The following SAMD12 variants were observed in gnomAD, a reference collection of about 807,000 sequenced individuals.
SAMD12 encodes the protein sterile alpha motif domain containing 12.
A neutral mutation model predicts 15.0 loss-of-function variants in SAMD12; 9 were observed. The observed-to-expected ratio is 0.60, with a 90% CI of 0.36 to 1.05. SAMD12 has a LOEUF of 1.05. Among genes scored for constraint, SAMD12 ranks in the 50% least tolerant of loss-of-function variants. The pLI is 0.01. For missense variants in SAMD12, 230 were observed against 234.2 expected (o/e 0.98, Z 0.12); for synonymous variants, 86 against 90.1 (o/e 0.96, Z 0.25).
the SAMD12 span, among the ~76,000 whole-genome samples, chr8:118,146,532 C>G: frequency 6.6e-6 from 1 of 152,138 alleles, no homozygotes; most frequent in African/African-American, 2.4e-5. Context: ...TACTAGTGAT[C>G]CATAGGAAAA....
chr8:118,170,646 G>T, the SAMD12 span, among the ~76,000 whole-genome samples: 1 of 152,114 alleles, frequency 6.6e-6, no homozygotes, highest in African/African-American at 2.4e-5. Flanking sequence ...AATAACATGG[G>T]ACTCTTGGCT....
At chr8:118,504,759 C>T (rs1330770157) in intron 2 of SAMD12, among the ~76,000 whole-genome samples, 2 of 152,108 alleles carry the variant, frequency 1.3e-5, no homozygotes, top group Non-Finnish European at 2.9e-5. Flanking sequence ...GAAGAGAAGA[C>T]AAAGTGAAGA....
At chr8:118,165,465 A>T in the SAMD12 span, among the ~76,000 whole-genome samples, 1 of 151,842 alleles carries the variant, frequency 6.6e-6, no homozygotes, top group Admixed American at 6.6e-5. Context: ...CATGTTGGCT[A>T]GACTGGTCTC....
At chr8:118,527,846 C>A (rs1440749614) in intron 2 of SAMD12, among the ~76,000 whole-genome samples, 2 of 152,080 alleles carry the variant, frequency 1.3e-5, no homozygotes, top group Non-Finnish European at 2.9e-5. Context: ...TGACATTATT[C>A]TTTAAGTAGT....
At chr8:118,188,099 G>C (rs1442628128), downstream of SAMD12, among the ~76,000 whole-genome samples, 1 of 151,474 alleles carries the variant, frequency 6.6e-6, no homozygotes, top group Non-Finnish European at 1.5e-5. Context: ...AAAAAGGGAG[G>C]GCAAAGGAGA....
In SAMD12 at chr8:118,195,739, T is replaced by A. The variant is rs377337476; in HGVS notation, c.*1971A>T. 5.3e-5 allele frequency: 8 copies of A among 152,104 alleles called. No individual in the cohort carries two copies. In the East Asian group the frequency reaches 1.4e-3, roughly 26 times the overall value. The allele number at this position is 152,104 out of a possible 1,614,324, so 9.4% of individuals were successfully genotyped here. A position where few individuals can be genotyped will look rare whatever the true frequency, so the allele number is the denominator to read the frequency against. On this transcript the variant is annotated 3_prime_UTR_variant, in exon 5 of 5. Transcript: ENST00000409003. ...CAGTTTCATAAGGGCAGGTGGGGAG[T>A]CTGCTTTGTGGACTGTTGTTGCCCA...
chr8:118,372,724 CTG>C (rs1819169592), intron 4 of SAMD12, among the ~76,000 whole-genome samples: 2 of 151,834 alleles, frequency 1.3e-5, no homozygotes, highest in Admixed American at 6.6e-5. Context: ...GATACACAAA[CTG>C]TGGTTATATT....
At chr8:118,139,514 G>T in the SAMD12 span, among the ~76,000 whole-genome samples, 63 of 152,242 alleles carry the variant, frequency 4.1e-4, no homozygotes, top group Non-Finnish European at 7.4e-4. Context: ...ATGTGCCACA[G>T]TGCCTGACTA....
At chr8:118,178,784 A>G in the SAMD12 span, among the ~76,000 whole-genome samples, 3 of 152,274 alleles carry the variant, frequency 2.0e-5, no homozygotes, top group South Asian at 6.2e-4. Context: ...CTTATATTGA[A>G]TTGGTCAGAA....
chr8:118,351,180 C>A (rs1817945676), intron 4 of SAMD12, among the ~76,000 whole-genome samples: 1 of 152,160 alleles, frequency 6.6e-6, no homozygotes, highest in South Asian at 2.1e-4. Context: ...CTGTAATATA[C>A]TAAGTACAAG....
the SAMD12 span, among the ~76,000 whole-genome samples, chr8:118,142,692 T>C: frequency 6.6e-6 from 1 of 152,226 alleles, no homozygotes; most frequent in South Asian, 2.1e-4. Context: ...AATCCTTGGC[T>C]ATCTTTGCTC....
chr8:118,437,828 CTT>C (rs1822618751), intron 3 of SAMD12, among the ~76,000 whole-genome samples: 1 of 152,142 alleles, frequency 6.6e-6, no homozygotes, highest in African/African-American at 2.4e-5. Flanking sequence ...ATGCATGAAT[CTT>C]TATTTCTGAG....
chr8:118,494,215 A>C (rs1328504559), intron 2 of SAMD12, among the ~76,000 whole-genome samples: 40 of 152,172 alleles, frequency 2.6e-4, no homozygotes, highest in Non-Finnish European at 2.9e-5. Context: ...GGAAGAGACA[A>C]AGCAGTCAAT....
At chr8:118,420,870 G>A (rs1470137897) in intron 3 of SAMD12, among the ~76,000 whole-genome samples, 6 of 152,156 alleles carry the variant, frequency 3.9e-5, no homozygotes. Flanking sequence ...GGCAAACTAC[G>A]ACCCTCTGAG....
At chr8:118,253,692 T>C (rs1812868903) in intron 4 of SAMD12, among the ~76,000 whole-genome samples, 1 of 152,158 alleles carries the variant, frequency 6.6e-6, no homozygotes, top group South Asian at 2.1e-4. Context: ...TGTGTTCAGT[T>C]AGTTGCATAA....
At chr8:118,199,257 C>T (rs995606469) in intron 4 of SAMD12, among the ~76,000 whole-genome samples, 2 of 152,190 alleles carry the variant, frequency 1.3e-5, no homozygotes, top group South Asian at 4.1e-4. Flanking sequence ...CTAACTAAAG[C>T]ATCATGATTG....
intron 4 of SAMD12, among the ~76,000 whole-genome samples, chr8:118,200,859 G>A (rs576389991): frequency 2.6e-5 from 4 of 152,200 alleles, no homozygotes; most frequent in South Asian, 4.2e-4. Flanking sequence ...AGCTCTCATC[G>A]ATCAGGCTGG....
In SAMD12 at chr8:118,621,864, C is replaced by A; in HGVS notation, c.-48G>T. On this transcript the variant is annotated 5_prime_UTR_variant, in exon 1 of 4. Transcript: ENST00000314727. Reference sequence around the variant, plus strand: ...ATGCATAATTTTCTTGGCCGAGGTACTCCTCCTGCCCCGCGCTCCCCCCTT... The same window carrying A: ...ATGCATAATTTTCTTGGCCGAGGTAATCCTCCTGCCCCGCGCTCCCCCCTT... The A allele has an allele frequency of 6.2e-7, 1 of 1,602,460 alleles. No individual in the cohort carries two copies. Among genetic ancestry groups the A allele is most frequent in the Non-Finnish European group, 8.6e-7 (1 of 1,169,380 alleles).
chr8:118,297,521 A>T (rs1814777253), intron 4 of SAMD12, among the ~76,000 whole-genome samples: 1 of 152,198 alleles, frequency 6.6e-6, no homozygotes, highest in Admixed American at 6.5e-5. Context: ...TAAAAAGCAT[A>T]TATATATGCC....
Sources: allele counts gnomAD v4.1 joint callset (sites outside exome capture counted in the v4.1 genomes callset), GRCh38; gene constraint gnomAD v4.1.1; transcripts MANE v1.5; gene names NCBI Gene and HGNC (gene_info 2026-07-23, HGNC 2026-07-21).